PTPRA: variants seen among roughly 807,000 people sequenced by gnomAD.
The protein encoded by PTPRA is protein tyrosine phosphatase receptor type A, also known as receptor-type tyrosine-protein phosphatase alpha.
In PTPRA, 25 loss-of-function variants were observed where a neutral mutation model predicts 104.8. That is an observed-to-expected ratio of 0.24 (90% confidence interval 0.17 to 0.33). PTPRA has a LOEUF of 0.33. PTPRA is among the 10% of genes least tolerant of loss of function. The probability of loss-of-function intolerance (pLI) is 1.00; values close to 1 mark genes in which losing one functional copy is unlikely to be tolerated. For missense variants in PTPRA, 765 were observed against 1,015.3 expected, an observed-to-expected ratio of 0.75 and a Z score of 3.35; for synonymous variants, 323 against 368.9, an observed-to-expected ratio of 0.88 and a Z score of 1.43.
At chr20:2,995,295 C>G (rs1044045882) in intron 9 of PTPRA, among the ~76,000 whole-genome samples, 1 of 151,992 alleles carries the variant, frequency 6.6e-6, no homozygotes, top group Non-Finnish European at 1.5e-5. Flanking sequence ...TTTTTTCCCC[C>G]GCTGTAGAGA....
intron 1 of PTPRA, among the ~76,000 whole-genome samples, chr20:2,898,788 G>T (rs2059118455): frequency 6.6e-6 from 1 of 152,064 alleles, no homozygotes; most frequent in African/African-American, 2.4e-5. Flanking sequence ...AACCCGGGAG[G>T]CGGAGGTTGC....
chr20:2,929,425 ATGT>A (rs2060428979), intron 2 of PTPRA, among the ~76,000 whole-genome samples: 2 of 152,076 alleles, frequency 1.3e-5, no homozygotes, highest in Admixed American at 6.5e-5. Context: ...TATTTGCTTG[ATGT>A]GTGTCCCATC....
intron 2 of PTPRA, among the ~76,000 whole-genome samples, chr20:2,947,003 T>G (rs918935795): frequency 2.6e-5 from 4 of 152,150 alleles, no homozygotes; most frequent in African/African-American, 9.7e-5. Flanking sequence ...AGAAGATGCC[T>G]GAGATGTGAG....
rs2060460721 is a variant in PTPRA at position 2,930,298 on chromosome 20, G to T, written c.-50+7013G>T. 3.3e-5 allele frequency among the ~76,000 whole-genome samples: 5 copies of T among 152,282 alleles called. No homozygotes were observed. In the South Asian group the frequency reaches 1.0e-3, roughly 32 times the overall value. On this transcript the variant is annotated intron_variant, in intron 2 of 23. Coordinates refer to ENST00000399903, the MANE Select transcript of PTPRA (RefSeq NM_001385305.1). ...CGAGCTGGCCACTAACATATGGTAT[G>T]ATTTTGTGGTAGGTGAAAAAAGGAT...
chr20:3,028,416 C>T (rs961042308), intron 20 of PTPRA, among the ~76,000 whole-genome samples: 6 of 152,062 alleles, frequency 3.9e-5, no homozygotes, highest in Admixed American at 6.6e-5. Context: ...CAGAGCTGTC[C>T]GGAAACTCAT....
intron 20 of PTPRA, among the ~76,000 whole-genome samples, chr20:3,028,369 T>C (rs1337553019): frequency 1.3e-5 from 2 of 152,132 alleles, no homozygotes; most frequent in African/African-American, 2.4e-5. Flanking sequence ...AATAAGGAAA[T>C]CTTTTAAAGA....
intron 1 of PTPRA, among the ~76,000 whole-genome samples, chr20:2,898,696 A>G (rs781512259): frequency 3.9e-5 from 6 of 151,928 alleles, no homozygotes; most frequent in Non-Finnish European, 8.8e-5. Flanking sequence ...TGTCTCTACT[A>G]AAAATATAAA....
intron 9 of PTPRA, among the ~76,000 whole-genome samples, chr20:2,998,398 C>T (rs891584509): frequency 3.9e-5 from 6 of 152,030 alleles, no homozygotes; most frequent in Admixed American, 3.3e-4. Context: ...TGGGTGAAAT[C>T]GCCTCTACAT....
At chr20:2,964,416 A>G (rs1403389403) in intron 4 of PTPRA, 66 bp downstream of exon 4, 3 of 1,301,438 alleles carry the variant, frequency 2.3e-6, no homozygotes, top group South Asian at 1.3e-5. Context: ...AATGAGCCAC[A>G]TTTGAAAACC....
At chr20:2,874,261 G>GA (rs2089561342) in intron 1 of PTPRA, among the ~76,000 whole-genome samples, 1 of 152,096 alleles carries the variant, frequency 6.6e-6, no homozygotes. Flanking sequence ...TTTAAGAAGG[G>GA]AAATAAGGGC....
chr20:3,029,337 C>T (rs1488336413), intron 20 of PTPRA, among the ~76,000 whole-genome samples: 1 of 151,838 alleles, frequency 6.6e-6, no homozygotes, highest in African/African-American at 2.4e-5. Context: ...GACAGGGTTT[C>T]ACCATGTTGC....
intron 5 of PTPRA, among the ~76,000 whole-genome samples, chr20:2,973,271 T>C (rs567577978): frequency 1.2e-4 from 19 of 152,304 alleles, no homozygotes; most frequent in African/African-American, 4.1e-4. Flanking sequence ...CTTTCTACCT[T>C]CTTTAGATTT....
In PTPRA at chr20:3,037,026, G is replaced by A; in HGVS notation, c.2199-128G>A. 7.5e-7 allele frequency: 1 copy of A among 1,324,588 alleles called. No homozygotes were observed. The highest frequency in any genetic ancestry group is 1.0e-6 in the Non-Finnish European group (1 of 957,512). The allele number at this position is 1,324,588 out of a possible 1,614,324, so 82.1% of individuals were successfully genotyped here. A position where few individuals can be genotyped will look rare whatever the true frequency, so the allele number is the denominator to read the frequency against. ...TCCCGACCCAGAACCCCTCCAGGCT[G>A]GTGGGTCCACAGGGCAAAGGCGAGC... On this transcript the variant is annotated intron_variant, in intron 22 of 23. Coordinates refer to ENST00000399903, the MANE Select transcript of PTPRA (RefSeq NM_001385305.1). This position sits in a 1 kb window ranked among gnomAD's most constrained non-coding sequence, Gnocchi z 4.3.
At chr20:2,948,649 ATTC>A (rs1322903382) in intron 3 of PTPRA, among the ~76,000 whole-genome samples, 1 of 152,110 alleles carries the variant, frequency 6.6e-6, no homozygotes, top group African/African-American at 2.4e-5. Flanking sequence ...CACCAGTATT[ATTC>A]TTAATACTTT....
chr20:2,949,262 C>A (rs1273273421), intron 3 of PTPRA, among the ~76,000 whole-genome samples: 1 of 151,318 alleles, frequency 6.6e-6, no homozygotes, highest in Non-Finnish European at 1.5e-5. Flanking sequence ...CAAAGTTACC[C>A]TGTTATTTCC....
chr20:3,004,283 G>T (rs564683795), intron 9 of PTPRA, among the ~76,000 whole-genome samples: 1 of 152,222 alleles, frequency 6.6e-6, no homozygotes, highest in Admixed American at 6.5e-5. Flanking sequence ...CTCCCAAAGT[G>T]CTGGGATTAC....
intron 3 of PTPRA, chr20:2,955,798 C>A: frequency 2.0e-6 from 1 of 511,832 alleles, no homozygotes; most frequent in Non-Finnish European, 2.5e-6. Flanking sequence ...TTTTGTCACT[C>A]ATAGAGCTGT....
intron 3 of PTPRA, among the ~76,000 whole-genome samples, chr20:2,958,844 CAAAAAAAAAAA>C (rs528139524): frequency 2.1e-5 from 1 of 46,854 alleles, no homozygotes; most frequent in Non-Finnish European, 4.4e-5. Flanking sequence ...GAGACTGTAT[CAAAAAAAAAAA>C]AAAAAAAAAA....
In PTPRA at chr20:2,912,604, A is replaced by G. The variant is rs576571137; in HGVS notation, c.-128-10603A>G. 5.3e-5 allele frequency among the ~76,000 whole-genome samples: 8 copies of G among 152,352 alleles called. No individual in the cohort carries two copies. In the East Asian group the frequency reaches 1.2e-3, roughly 22 times the overall value. On this transcript the variant is annotated intron_variant, in intron 1 of 23. Coordinates refer to ENST00000399903, the MANE Select transcript of PTPRA (RefSeq NM_001385305.1). ...GCACCTCTGCACTCCAGCCTGGGTG[A>G]CAGAGTGAGACCCTGTCTCAAAAAC...
Sources: allele counts gnomAD v4.1 joint callset (sites outside exome capture counted in the v4.1 genomes callset), GRCh38; gene constraint gnomAD v4.1.1; non-coding constraint Gnocchi (gnomAD v3.1); transcripts MANE v1.5; gene names NCBI Gene and HGNC (gene_info 2026-07-23, HGNC 2026-07-21).